CNOT10: variants seen among roughly 807,000 people sequenced by gnomAD.
CNOT10 encodes CCR4-NOT transcription complex, subunit 10.
Under a neutral mutation model 94.6 loss-of-function variants are expected in CNOT10, and 30 were observed. The ratio of observed to expected loss-of-function variants is 0.32; its 90% confidence interval spans 0.24 to 0.43. CNOT10 has a LOEUF of 0.43. Ranked by LOEUF, CNOT10 falls within the 20% of genes least tolerant of loss-of-function variation. CNOT10 has a pLI of 1.00. For missense variants in CNOT10, 759 were observed against 877.2 expected, an observed-to-expected ratio of 0.87 and a Z score of 1.70; for synonymous variants, 289 against 301.6, an observed-to-expected ratio of 0.96 and a Z score of 0.43.
chr3:32,705,590 A>G (rs1697584732), intron 3 of CNOT10, among the ~76,000 whole-genome samples: 1 of 152,216 alleles, frequency 6.6e-6, no homozygotes, highest in Non-Finnish European at 1.5e-5. Flanking sequence ...AAATAGCTAT[A>G]TAATTTTTCT....
intron 13 of CNOT10, among the ~76,000 whole-genome samples, chr3:32,740,519 CT>C (rs1699414197): frequency 6.6e-6 from 1 of 152,028 alleles, no homozygotes; most frequent in African/African-American, 2.4e-5. Context: ...AGATACAGAA[CT>C]TTTTTTGTTT....
chr3:32,734,789 G>T lies in CNOT10; in HGVS notation c.1338-11G>T. On this transcript the variant is annotated splice_polypyrimidine_tract_variant and intron_variant, in intron 11 of 18. Coordinates refer to ENST00000328834, the MANE Select transcript of CNOT10 (RefSeq NM_015442.3). The stretch of plus-strand genomic sequence containing the variant: ...TTATCCACTTAGCTAATTTGGTTTT[G>T]TTCTTTTAAGTGATGGGCAGTCTTC... 2 of 1,555,140 alleles carry T rather than the reference G, an allele frequency of 1.3e-6. No individual in the cohort carries two copies. Among genetic ancestry groups the T allele is most frequent in the South Asian group, 1.2e-5 (1 of 82,122 alleles).
chr3:32,700,292 A>T (rs1183897704), intron 1 of CNOT10, among the ~76,000 whole-genome samples: 1 of 152,118 alleles, frequency 6.6e-6, no homozygotes, highest in African/African-American at 2.4e-5. Flanking sequence ...TCTTTATAGA[A>T]GCATGTTTGG....
chr3:32,747,575 T>C (rs1008948732), intron 13 of CNOT10, among the ~76,000 whole-genome samples: 9 of 152,068 alleles, frequency 5.9e-5, no homozygotes, highest in Non-Finnish European at 1.2e-4. Context: ...CAAAAAAATC[T>C]GTACCACAAA....
In CNOT10 at chr3:32,734,895, A is replaced by T. The variant is rs771032001; in HGVS notation, c.1433A>T (p.Asp478Val). The T allele has an allele frequency of 1.8e-5, 29 of 1,614,058 alleles. No individual in the cohort carries two copies. The highest frequency in any genetic ancestry group is 1.3e-5 in the African/African-American group (1 of 74,936). ...ALLLLPEEQQ[D>V]PKQENGAKNS... The stretch of plus-strand genomic sequence containing the variant: ...TTGCTGCTACCTGAAGAACAGCAAG[A>T]TCCAAAGCAGGAAAATGGGGCTAAA... Residue 478 changes from aspartate (D) to valine (V), a missense_variant, in exon 12 of 19, where the codon GAT (aspartate) becomes GTT (valine). Physicochemically the swap from Asp to Val is radical, Grantham distance 152 (BLOSUM62 -3). Transcript: ENST00000328834.
At chr3:32,740,829 T>C (rs1183196688) in intron 13 of CNOT10, among the ~76,000 whole-genome samples, 1 of 148,796 alleles carries the variant, frequency 6.7e-6, no homozygotes, top group Non-Finnish European at 1.5e-5. Flanking sequence ...ACCACTGCAC[T>C]CCAGCCTGGA....
At chr3:32,771,336 C>G (rs1262605556) in intron 18 of CNOT10, among the ~76,000 whole-genome samples, 2 of 152,088 alleles carry the variant, frequency 1.3e-5, no homozygotes. Context: ...CACAGTGGCT[C>G]ACGCCTATAA....
intron 18 of CNOT10, among the ~76,000 whole-genome samples, chr3:32,771,904 T>A (rs1243060084): frequency 6.6e-6 from 1 of 152,224 alleles, no homozygotes; most frequent in African/African-American, 2.4e-5. Context: ...GTAAGCCAGT[T>A]CTTGCTGAGA....
At chr3:32,753,370 T>TA (rs1293262266) in intron 13 of CNOT10, 2 of 1,355,712 alleles carry the variant, frequency 1.5e-6, no homozygotes, top group Non-Finnish European at 2.1e-6. Context: ...TCATTACACT[T>TA]ACGATCAAGA....
intron 11 of CNOT10, among the ~76,000 whole-genome samples, chr3:32,734,140 G>T (rs553749338): frequency 6.6e-6 from 1 of 152,234 alleles, no homozygotes; most frequent in East Asian, 1.9e-4. Flanking sequence ...AAAAATATCT[G>T]ATACACAATA....
intron 13 of CNOT10, among the ~76,000 whole-genome samples, chr3:32,740,083 C>G (rs535414468): frequency 2.3e-4 from 35 of 152,188 alleles, no homozygotes; most frequent in Admixed American, 1.9e-3. Context: ...GATGACAGAT[C>G]GAGGCTCTGT....
At chr3:32,692,709 A>G (rs1035668232) in intron 1 of CNOT10, among the ~76,000 whole-genome samples, 1 of 152,104 alleles carries the variant, frequency 6.6e-6, no homozygotes. Flanking sequence ...ACCTAGTTCT[A>G]TTGTAGTTTC....
chr3:32,718,482 G>A (rs1698225905), intron 7 of CNOT10, among the ~76,000 whole-genome samples: 1 of 149,176 alleles, frequency 6.7e-6, no homozygotes, highest in South Asian at 2.1e-4. Context: ...TACTCGGGAG[G>A]CTGAGGCAGG....
chr3:32,723,164 C>T (rs1412689373), intron 8 of CNOT10, among the ~76,000 whole-genome samples: 2 of 151,910 alleles, frequency 1.3e-5, no homozygotes, highest in Non-Finnish European at 1.5e-5. Context: ...GAGGCTGAGG[C>T]GGGCAGATCA....
Position 32,703,890 on chromosome 3 carries a change from A to C in CNOT10, c.45A>C (p.Glu15Asp). 6.2e-7 allele frequency: 1 copy of C among 1,613,564 alleles called. No individual in the cohort carries two copies. The highest frequency in any genetic ancestry group is 2.2e-5 in the East Asian group (1 of 44,860). The change falls in exon 2 of 19, where the codon GAA (glutamate) becomes GAC (aspartate). Residue 15 changes from glutamate (E) to aspartate (D), a missense_variant. Glu to Asp is a conservative substitution (Grantham distance 45). Coordinates refer to ENST00000328834, the MANE Select transcript of CNOT10 (RefSeq NM_015442.3). ...KPADQGAEKH[E>D]GTGQSSGITD... ...CAGATCAGGGAGCAGAGAAACATGA[A>C]GGCACAGGTCAGTCCTCTGGGATCA...
chr3:32,705,039 G>A (rs553853868), intron 3 of CNOT10, 67 bp downstream of exon 3: 159 of 1,019,796 alleles, frequency 1.6e-4, no homozygotes, highest in Non-Finnish European at 2.0e-4. Context: ...AACACAAATA[G>A]TTAAGGAAAA....
At chr3:32,751,285 T>G (rs979924032) in intron 13 of CNOT10, among the ~76,000 whole-genome samples, 13 of 151,808 alleles carry the variant, frequency 8.6e-5, no homozygotes, top group African/African-American at 3.1e-4. Flanking sequence ...TTTTTTTTTT[T>G]TGTAGAGACA....
chr3:32,731,473 G>GTTTTA (rs1024527509), intron 10 of CNOT10, among the ~76,000 whole-genome samples: 4 of 151,942 alleles, frequency 2.6e-5, no homozygotes, highest in Non-Finnish European at 5.9e-5. Context: ...TTAGAGACTT[G>GTTTTA]TTTTATTTTA....
intron 11 of CNOT10, among the ~76,000 whole-genome samples, chr3:32,734,369 T>C (rs532182201): frequency 6.6e-6 from 1 of 152,330 alleles, no homozygotes; most frequent in East Asian, 1.9e-4. Context: ...TGTTTCAAAG[T>C]GTATAGAGGC....
Sources: gnomAD v4.1 joint callset for allele counts (sites outside exome capture counted in the v4.1 genomes callset) on GRCh38, gnomAD v4.1.1 for gene constraint, MANE v1.5 for transcripts, NCBI Gene and HGNC (gene_info 2026-07-23, HGNC 2026-07-21) for gene names.